The following CRYBA1 variants were observed in gnomAD, a reference collection of about 807,000 sequenced individuals.
CRYBA1 encodes crystallin beta A1.
In CRYBA1, 25 loss-of-function variants were observed where a neutral mutation model predicts 36.2. That is an observed-to-expected ratio of 0.69 (90% confidence interval 0.50 to 0.97). The LOEUF is 0.97. CRYBA1 is among the 50% of genes least tolerant of loss of function. CRYBA1 has a pLI of 0.00. For missense variants in CRYBA1, 224 were observed against 276.3 expected, an observed-to-expected ratio of 0.81 and a Z score of 1.34; for synonymous variants, 111 against 90.0, an observed-to-expected ratio of 1.23 and a Z score of -1.32.
chr17:29,251,468 T>C (rs577762453), intron 3 of CRYBA1, among the ~76,000 whole-genome samples: 5 of 152,040 alleles, frequency 3.3e-5, no homozygotes, highest in African/African-American at 1.2e-4. Context: ...AGGTAGAGAA[T>C]AGGTGATTTG....
rs1481260253 is a variant in CRYBA1, at chr17:29,254,297, G to C, written c.596G>C (p.Gly199Ala). ...GGDYKHWREW[G>A]SHAQTSQIQS... Reference sequence around the variant, plus strand: ...GACTATAAACATTGGAGAGAGTGGGGCTCTCATGCCCAGACTTCGCAGATC... The same window carrying C: ...GACTATAAACATTGGAGAGAGTGGGCCTCTCATGCCCAGACTTCGCAGATC... Residue 199 changes from glycine to alanine, a missense_variant, in exon 6 of 6, where the codon GGC becomes GCC. Physicochemically the swap from Gly to Ala is moderately conservative, Grantham distance 60 (BLOSUM62 0). Coordinates refer to ENST00000225387, the MANE Select transcript of CRYBA1 (RefSeq NM_005208.5). 2 of 1,613,906 alleles carry C rather than the reference G, an allele frequency of 1.2e-6. No individual in the cohort carries two copies. Among genetic ancestry groups the C allele is most frequent in the African/African-American group, 1.3e-5 (1 of 74,880 alleles).
intron 3 of CRYBA1, among the ~76,000 whole-genome samples, chr17:29,250,873 C>A (rs1789023780): frequency 6.6e-6 from 1 of 152,176 alleles, no homozygotes; most frequent in African/African-American, 2.4e-5. Flanking sequence ...TGACTCTTGG[C>A]AGAGTAGTTG....
At chr17:29,249,301 C>A in intron 2 of CRYBA1, 95 bp downstream of exon 2, 1 of 839,668 alleles carries the variant, frequency 1.2e-6, no homozygotes, top group Non-Finnish European at 2.0e-6. Flanking sequence ...AGTGACTGAC[C>A]AGAAAAACCC....
intron 1 of CRYBA1, among the ~76,000 whole-genome samples, chr17:29,247,335 C>T (rs2068906938): frequency 6.6e-6 from 1 of 152,210 alleles, no homozygotes; most frequent in Non-Finnish European, 1.5e-5. Context: ...TTTCCTTCCT[C>T]TTTCTTGCTC....
In CRYBA1 at chr17:29,254,428, C is replaced by T; in HGVS notation, c.*79C>T. 1 of 1,451,840 alleles carries T rather than the reference C, an allele frequency of 6.9e-7. No individual in the cohort carries two copies. The highest frequency in any genetic ancestry group is 9.7e-7 in the Non-Finnish European group (1 of 1,034,894). 89.9% of individuals were successfully genotyped at this position (1,451,840 alleles called of 1,614,324 possible). On this transcript the variant is annotated 3_prime_UTR_variant, in exon 6 of 6. Coordinates refer to ENST00000225387, the MANE Select transcript of CRYBA1 (RefSeq NM_005208.5). ...ACTCTAGAATAAGTTTTATGTTCTG[C>T]TCACAGACATTGCTTTCAAATGTTA...
chr17:29,250,539 A>G lies in CRYBA1; in HGVS notation c.215+239A>G, dbSNP rs2068929692. 2.0e-5 allele frequency among the ~76,000 whole-genome samples: 3 copies of G among 152,148 alleles called. No homozygotes were observed. In the South Asian group the frequency reaches 6.2e-4, roughly 32 times the overall value. ...GGGGCTGGATAAAGAAATACATACA[A>G]TGGGGTGGGACAGTGGCAGTAATCA... On this transcript the variant is annotated intron_variant, in intron 3 of 5. Transcript: ENST00000225387.
chr17:29,249,309 C>A (rs889633560), intron 2 of CRYBA1, 103 bp downstream of exon 2: 12 of 808,956 alleles, frequency 1.5e-5, no homozygotes, highest in Non-Finnish European at 2.3e-5. Context: ...ACCAGAAAAA[C>A]CCCAGTTTGT....
At chr17:29,250,034 C>G (rs1381907521) in intron 2 of CRYBA1, 148 bp from the exon 3 acceptor site, 2 of 736,498 alleles carry the variant, frequency 2.7e-6, no homozygotes, top group Admixed American at 3.6e-5. Context: ...CCCTTCCTGC[C>G]CTGTCTACAC....
At chr17:29,252,272 C>G in intron 4 of CRYBA1, 67 bp downstream of exon 4, 2 of 1,592,480 alleles carry the variant, frequency 1.3e-6, no homozygotes, top group Non-Finnish European at 1.7e-6. Flanking sequence ...GACAGACTGA[C>G]GTTCATGCTA....
chr17:29,254,240 A>G lies in CRYBA1; in HGVS notation c.539A>G (p.Gln180Arg). The G allele has an allele frequency of 1.2e-6, 2 of 1,614,210 alleles. No homozygotes were observed. Among genetic ancestry groups the G allele is most frequent in the East Asian group, 2.2e-5 (1 of 44,884 alleles). ...CYQYPGYRGYQYILECDHHGG... is the reference protein window; with the variant it reads ...CYQYPGYRGYRYILECDHHGG... The stretch of plus-strand genomic sequence containing the variant: ...CAATATCCTGGATATCGTGGGTATC[A>G]GTATATCTTGGAATGTGACCATCAT... Residue 180 changes from glutamine to arginine, a missense_variant, in exon 6 of 6, where the codon CAG (glutamine) becomes CGG (arginine). By Grantham distance (43) the Gln-to-Arg change is conservative. Transcript: ENST00000225387.
At chr17:29,252,019 TATAGGCTTTGAACACC>T (rs764057789) in intron 3 of CRYBA1, 29 bp from the exon 4 acceptor site, 17 of 1,613,866 alleles carry the variant, frequency 1.1e-5, no homozygotes, top group Non-Finnish European at 1.4e-5. Flanking sequence ...CCCAAGGCCA[TATAGGCTTTGAACACC>T]ATGAACAAAC....
chr17:29,250,819 T>G (rs931554130), intron 3 of CRYBA1, among the ~76,000 whole-genome samples: 1 of 152,318 alleles, frequency 6.6e-6, no homozygotes, highest in South Asian at 2.1e-4. Context: ...AGTTTCTTGT[T>G]GATGGTTAAT....
intron 1 of CRYBA1, among the ~76,000 whole-genome samples, chr17:29,247,458 C>T (rs141668626): frequency 1.3e-5 from 2 of 152,344 alleles, no homozygotes; most frequent in African/African-American, 4.8e-5. Flanking sequence ...AATTCATAGT[C>T]TGTATGTGAA....
At chr17:29,249,891 G>C (rs1338559733) in intron 2 of CRYBA1, among the ~76,000 whole-genome samples, 1 of 149,570 alleles carries the variant, frequency 6.7e-6, no homozygotes, top group African/African-American at 2.5e-5. Context: ...TGGAATGGGA[G>C]CCCATAAGTC....
intron 3 of CRYBA1, 91 bp from the exon 4 acceptor site, chr17:29,251,973 C>A: frequency 6.5e-7 from 1 of 1,533,250 alleles, no homozygotes; most frequent in Non-Finnish European, 9.0e-7. Flanking sequence ...TATTTTACCC[C>A]ACTATTGACT....
intron 1 of CRYBA1, among the ~76,000 whole-genome samples, chr17:29,248,925 G>A (rs1312878268): frequency 6.6e-6 from 1 of 152,048 alleles, no homozygotes; most frequent in African/African-American, 2.4e-5. Context: ...GTGAGATTGT[G>A]CCACTGCACT....
chr17:29,246,925 T>C, intron 1 of CRYBA1, 31 bp downstream of exon 1: 1 of 1,596,200 alleles, frequency 6.3e-7, no homozygotes, highest in Non-Finnish European at 8.5e-7. Context: ...GCCCTTGCCC[T>C]TCCTCTCCTT....
chr17:29,254,122 G>A, intron 5 of CRYBA1, 80 bp from the exon 6 acceptor site: 2 of 1,476,178 alleles, frequency 1.4e-6, no homozygotes, highest in African/African-American at 1.4e-5. Flanking sequence ...CCATTGTGTT[G>A]AGTAAAGAGG....
chr17:29,249,025 A>G, intron 1 of CRYBA1, 117 bp from the exon 2 acceptor site: 1 of 764,782 alleles, frequency 1.3e-6, no homozygotes, highest in Non-Finnish European at 2.4e-6. Flanking sequence ...CAGCAGAGCC[A>G]GAATTTCAAC....
Sources: gnomAD v4.1 joint callset for allele counts (sites outside exome capture counted in the v4.1 genomes callset) on GRCh38, gnomAD v4.1.1 for gene constraint, MANE v1.5 for transcripts, NCBI Gene and HGNC (gene_info 2026-07-23, HGNC 2026-07-21) for gene names.